The following CADPS2 variants were observed in gnomAD, a reference collection of about 807,000 sequenced individuals.
The protein encoded by CADPS2 is calcium-dependent secretion activator 2.
In CADPS2, 93 loss-of-function variants were observed where a neutral mutation model predicts 172.5. The ratio of observed to expected loss-of-function variants is 0.54; its 90% CI spans 0.46 to 0.64. The LOEUF (loss-of-function observed/expected upper bound fraction) is 0.64, where lower values mean the gene tolerates loss of function less well. Among genes scored for constraint, CADPS2 ranks in the 30% least tolerant of loss-of-function variants. The pLI is 0.00. For synonymous variants in CADPS2, 546 were observed against 555.2 expected (o/e 0.98, Z 0.23); for missense variants, 1,420 against 1,565.9 (o/e 0.91, Z 1.57).
chr7:122,460,237 A>G (rs2152092092), intron 14 of CADPS2, among the ~76,000 whole-genome samples: 1 of 152,180 alleles, frequency 6.6e-6, no homozygotes, highest in East Asian at 1.9e-4. Flanking sequence ...TCCAGCTCTT[A>G]CTAGAAAGTA....
At chr7:122,668,402 T>TAA (rs34006020) in intron 2 of CADPS2, among the ~76,000 whole-genome samples, 70 of 138,226 alleles carry the variant, frequency 5.1e-4, no homozygotes, top group Admixed American at 1.2e-3. Context: ...AAAGTATGGT[T>TAA]AAAAAAAAAA....
chr7:122,360,701 TA>T, intron 27 of CADPS2, 86 bp downstream of exon 27: 1 of 1,229,898 alleles, frequency 8.1e-7, no homozygotes, highest in Non-Finnish European at 1.1e-6. Flanking sequence ...GGCACTGGTT[TA>T]AAGATTTGAA....
intron 8 of CADPS2, among the ~76,000 whole-genome samples, chr7:122,526,902 C>T (rs1475706594): frequency 6.6e-6 from 1 of 152,160 alleles, no homozygotes; most frequent in Non-Finnish European, 1.5e-5. Flanking sequence ...CCACTCTATC[C>T]TCATTGTCCA....
chr7:122,580,962 C>T (rs1047348541), intron 7 of CADPS2, among the ~76,000 whole-genome samples: 3 of 152,102 alleles, frequency 2.0e-5, no homozygotes, highest in Non-Finnish European at 4.4e-5. Context: ...TTTGTATTTA[C>T]CCCTTACACA....
intron 1 of CADPS2, among the ~76,000 whole-genome samples, chr7:122,872,122 T>C (rs1250094043): frequency 1.3e-5 from 2 of 152,142 alleles, no homozygotes; most frequent in Non-Finnish European, 2.9e-5. Context: ...CAGCTTCTTA[T>C]ACCAAGATCT....
chr7:122,678,163 T>C, intron 2 of CADPS2, among the ~76,000 whole-genome samples: 1 of 152,326 alleles, frequency 6.6e-6, no homozygotes, highest in Middle Eastern at 3.4e-3. Flanking sequence ...CAGTGTGGGA[T>C]GAAGTTTTCA....
At chr7:122,508,725 A>C (rs2059807130) in intron 9 of CADPS2, among the ~76,000 whole-genome samples, 1 of 152,110 alleles carries the variant, frequency 6.6e-6, no homozygotes, top group African/African-American at 2.4e-5. Flanking sequence ...ATATGAAATG[A>C]TTCCATTAGG....
chr7:122,778,504 A>G (rs1034417856), intron 1 of CADPS2, among the ~76,000 whole-genome samples: 1 of 152,204 alleles, frequency 6.6e-6, no homozygotes, highest in Admixed American at 6.5e-5. Flanking sequence ...GGCATATCAG[A>G]TACCTTCCCA....
At chr7:122,412,656 A>G (rs1036504956) in intron 19 of CADPS2, among the ~76,000 whole-genome samples, 11 of 152,224 alleles carry the variant, frequency 7.2e-5, no homozygotes, top group Non-Finnish European at 7.3e-5. Flanking sequence ...TTGGTGGATG[A>G]CATCGTATTT....
At chr7:122,395,929 C>T (rs1236501339) in intron 20 of CADPS2, among the ~76,000 whole-genome samples, 1 of 152,066 alleles carries the variant, frequency 6.6e-6, no homozygotes, top group African/African-American at 2.4e-5. Context: ...CCTGCCTCAG[C>T]CTCCCGAGTA....
chr7:122,613,011 G>T (rs1306258038), intron 6 of CADPS2, among the ~76,000 whole-genome samples: 1 of 151,986 alleles, frequency 6.6e-6, no homozygotes, highest in African/African-American at 2.4e-5. Flanking sequence ...AAGGAAGCTG[G>T]ACTCTTACAT....
At chr7:122,645,351 G>GTATACATGTACA (rs1304097809) in intron 3 of CADPS2, among the ~76,000 whole-genome samples, 11 of 110,274 alleles carry the variant, frequency 1.0e-4, no homozygotes, top group South Asian at 2.5e-4. Context: ...GTACATGTGT[G>GTATACATGTACA]TGTATACATG....
At chr7:122,861,571 T>G (rs1292298664) in intron 1 of CADPS2, among the ~76,000 whole-genome samples, 1 of 152,232 alleles carries the variant, frequency 6.6e-6, no homozygotes, top group Non-Finnish European at 1.5e-5. Context: ...TTGTTTCCTT[T>G]GCTGTGCAGA....
intron 1 of CADPS2, among the ~76,000 whole-genome samples, chr7:122,819,142 C>A (rs951980852): frequency 1.3e-5 from 2 of 152,220 alleles, no homozygotes; most frequent in African/African-American, 2.4e-5. Context: ...AACGCCTGAA[C>A]TGCAGCAGCC....
chr7:122,808,146 G>A (rs1479100202), intron 1 of CADPS2, among the ~76,000 whole-genome samples: 1 of 152,070 alleles, frequency 6.6e-6, no homozygotes, highest in Non-Finnish European at 1.5e-5. Flanking sequence ...TACTAGGAGT[G>A]CTCACGATTA....
At chr7:122,492,032 C>T (rs749755621) in intron 9 of CADPS2, among the ~76,000 whole-genome samples, 2 of 151,902 alleles carry the variant, frequency 1.3e-5, no homozygotes, top group East Asian at 1.9e-4. Context: ...ATTAGCCAGG[C>T]GTGGTGGCAC....
At chr7:122,869,807 G>A (rs1424919476) in intron 1 of CADPS2, among the ~76,000 whole-genome samples, 2 of 152,030 alleles carry the variant, frequency 1.3e-5, no homozygotes, top group African/African-American at 4.8e-5. Context: ...TACAAAATAT[G>A]TCATGAATAA....
chr7:122,434,516 AC>A (rs1275050921), intron 17 of CADPS2, among the ~76,000 whole-genome samples: 2 of 152,114 alleles, frequency 1.3e-5, no homozygotes, highest in East Asian at 3.9e-4. Flanking sequence ...CTAATCTCCT[AC>A]CTCTCTCCAA....
At chr7:122,608,569 G>T (rs1400931496) in intron 6 of CADPS2, among the ~76,000 whole-genome samples, 3 of 152,110 alleles carry the variant, frequency 2.0e-5, no homozygotes, top group Admixed American at 2.0e-4. Context: ...TCATTTTCAT[G>T]AGGCAAATGG....
Sources: gnomAD v4.1 joint callset for allele counts (sites outside exome capture counted in the v4.1 genomes callset) on GRCh38, gnomAD v4.1.1 for gene constraint, MANE v1.5 for transcripts, NCBI Gene and HGNC (gene_info 2026-07-23, HGNC 2026-07-21) for gene names.